The following MYO18A variants were observed in gnomAD, a reference collection of about 807,000 sequenced individuals.
MYO18A encodes the protein myosin XVIIIA, also known as unconventional myosin-XVIIIa.
In MYO18A, 78 loss-of-function variants were observed where a neutral mutation model predicts 235.8. That is an observed-to-expected ratio of 0.33 (90% CI 0.28 to 0.40). The LOEUF is 0.40. Among genes scored for constraint, MYO18A ranks in the 10% least tolerant of loss-of-function variants. The pLI, the probability that MYO18A is intolerant of heterozygous loss-of-function variation, is 1.00. For synonymous variants in MYO18A, 977 were observed against 1,077.8 expected (o/e 0.91, Z 1.83); for missense variants, 2,215 against 2,699.3 (o/e 0.82, Z 3.98).
intron 2 of MYO18A, among the ~76,000 whole-genome samples, chr17:29,156,248 A>G (rs189166483): frequency 3.4e-4 from 52 of 152,382 alleles, no homozygotes; most frequent in African/African-American, 1.2e-3. Context: ...TCAGAGACCT[A>G]CAGCCAGTGA....
rs1366008492 is a variant in MYO18A at position 29,136,244 on chromosome 17, AAAAAAAATAT to A, written c.1000-14001_1000-13992del. 9.2e-4 allele frequency among the ~76,000 whole-genome samples: 68 copies of A among 73,588 alleles called. 1 individual carries two copies. The highest frequency in any genetic ancestry group is 5.6e-3 in the Admixed American group (40 of 7,116). 48.3% of individuals were successfully genotyped at this position (73,588 alleles called of 152,430 possible). A position where few individuals can be genotyped will look rare whatever the true frequency, so the allele number is the denominator to read the frequency against. ...AGACCCCATCTCAAAAGAAAAAAAA[AAAAAAAATAT>A]ATATATATATATATATATATGTAAT... On this transcript the variant is annotated intron_variant, in intron 2 of 41. Coordinates refer to ENST00000527372, the MANE Select transcript of MYO18A (RefSeq NM_078471.4).
rs1456092050 is a variant in MYO18A at position 29,096,818 on chromosome 17, T to C, written c.4328A>G (p.Lys1443Arg). The change falls in exon 28 of 42, where the codon AAG becomes AGG. Residue 1443 changes from lysine (K) to arginine (R), a missense_variant. Coordinates refer to ENST00000527372, the MANE Select transcript of MYO18A (RefSeq NM_078471.4). ...QRLTAELQDTKLHLEGQQVRN... is the reference protein window; with the variant it reads ...QRLTAELQDTRLHLEGQQVRN... The stretch of plus-strand genomic sequence containing the variant: ...GACCTGCTGGCCCTCCAGGTGCAGC[T>C]TGGTGTCTTGCAGCTCAGCCGTCAG... The C allele has an allele frequency of 6.2e-7, 1 of 1,603,294 alleles. No homozygotes were observed. The highest frequency in any genetic ancestry group is 8.5e-7 in the Non-Finnish European group (1 of 1,175,272).
chr17:29,100,697 C>T (rs1298571369), intron 21 of MYO18A, among the ~76,000 whole-genome samples: 1 of 152,218 alleles, frequency 6.6e-6, no homozygotes, highest in Non-Finnish European at 1.5e-5. Context: ...CCAACTGGCA[C>T]AGAACACAGA....
In MYO18A at chr17:29,166,902, G is replaced by A. The variant is rs778863807; in HGVS notation, c.39C>T (p.Gly13=). Residue 13 remains glycine (G), a synonymous_variant, in exon 2 of 42, where the codon GGC becomes GGT. Coordinates refer to ENST00000527372, the MANE Select transcript of MYO18A (RefSeq NM_078471.4). ...TTTTCTCCTTCTTCTCCTTCCGCCC[G>A]CCATCTTTGTCCTTGTCTTTCTTCA... ...NLMKKDKDKD[G]GRKEKKEKKE... The A allele has an allele frequency of 5.4e-5, 83 of 1,549,450 alleles. No homozygotes were observed. The Admixed American group carries it at 1.4e-3, about 26-fold the overall frequency.
intron 2 of MYO18A, among the ~76,000 whole-genome samples, chr17:29,143,478 G>A (rs1473409217): frequency 7.1e-6 from 1 of 140,904 alleles, no homozygotes; most frequent in Non-Finnish European, 1.5e-5. Context: ...CTGCACTCAA[G>A]CAATCCACCT....
intron 19 of MYO18A, among the ~76,000 whole-genome samples, chr17:29,107,819 G>C (rs1052827254): frequency 1.3e-5 from 2 of 151,586 alleles, no homozygotes; most frequent in South Asian, 4.2e-4. Flanking sequence ...AGGAGGCCGA[G>C]GCAGAAGAAT....
chr17:29,172,723 AAAAT>A (rs1432016655), intron 1 of MYO18A, among the ~76,000 whole-genome samples: 1 of 152,226 alleles, frequency 6.6e-6, no homozygotes, highest in Non-Finnish European at 1.5e-5. Context: ...AAGTATGACT[AAAAT>A]AAGTCAAAAC....
chr17:29,074,069 AC>A lies in MYO18A; in HGVS notation c.*700del. On this transcript the variant is annotated 3_prime_UTR_variant, in exon 42 of 42. Transcript: ENST00000527372. This position sits in a 1 kb window ranked among gnomAD's most constrained non-coding sequence, Gnocchi z 4.4. ...ACACTTGTCTGCGTAGGCTTGCTCA[AC>A]CCAGCCCAGCAGCACCGGAGAGCCC... 6.2e-7 allele frequency: 1 copy of A among 1,613,892 alleles called. No individual in the cohort carries two copies. The highest frequency in any genetic ancestry group is 8.5e-7 in the Non-Finnish European group (1 of 1,180,014).
intron 2 of MYO18A, chr17:29,127,709 C>T (rs2067356624): frequency 2.4e-5 from 7 of 296,488 alleles, no homozygotes; most frequent in Non-Finnish European, 2.5e-5. Flanking sequence ...CAGCCCCTGC[C>T]GGCCATCAGC....
In MYO18A at chr17:29,140,820, A is replaced by C. The variant is rs1017981608; in HGVS notation, c.1000-18567T>G. Reference sequence around the variant, plus strand: ...CACGTATACACACACACACACACACACCAGCATGCACGAACATTCAATCAA... The same window carrying C: ...CACGTATACACACACACACACACACCCCAGCATGCACGAACATTCAATCAA... On this transcript the variant is annotated intron_variant, in intron 2 of 41. Coordinates refer to ENST00000527372, the MANE Select transcript of MYO18A (RefSeq NM_078471.4). This position sits in a 1 kb window ranked among gnomAD's most constrained non-coding sequence, Gnocchi z 4.2. 6.6e-6 allele frequency among the ~76,000 whole-genome samples: 1 copy of C among 152,106 alleles called. No individual in the cohort carries two copies. Among genetic ancestry groups the C allele is most frequent in the East Asian group, 1.9e-4 (1 of 5,192 alleles).
chr17:29,112,774 C>T (rs1226405653), intron 15 of MYO18A, among the ~76,000 whole-genome samples: 1 of 152,194 alleles, frequency 6.6e-6, no homozygotes, highest in Non-Finnish European at 1.5e-5. Flanking sequence ...GCCATTTTTC[C>T]TCTCTTTGAC....
chr17:29,074,981 G>A lies in MYO18A; in HGVS notation c.6021-67C>T. ...CTACCATTAAGCACGCACGCCTTTG[G>A]TTCTGGAGGCCCACAAAGCTGCGTC... On this transcript the variant is annotated intron_variant, in intron 41 of 41. Coordinates refer to ENST00000527372, the MANE Select transcript of MYO18A (RefSeq NM_078471.4). This position sits in a 1 kb window ranked among gnomAD's most constrained non-coding sequence, Gnocchi z 4.4. The A allele has an allele frequency of 6.3e-7, 1 of 1,583,756 alleles. No homozygotes were observed.
At chr17:29,172,807 C>T (rs965724669) in intron 1 of MYO18A, among the ~76,000 whole-genome samples, 1 of 152,182 alleles carries the variant, frequency 6.6e-6, no homozygotes, top group African/African-American at 2.4e-5. Context: ...AGCTGGATCA[C>T]ACTGGCTTGA....
At chr17:29,169,295 C>T (rs759388301) in intron 1 of MYO18A, among the ~76,000 whole-genome samples, 5 of 152,118 alleles carry the variant, frequency 3.3e-5, no homozygotes, top group Non-Finnish European at 7.3e-5. Flanking sequence ...CATGATCCAC[C>T]TGTCTCGGCC....
intron 2 of MYO18A, chr17:29,155,608 G>A (rs1197981320): frequency 6.6e-6 from 1 of 152,346 alleles, no homozygotes; most frequent in Admixed American, 6.5e-5. Flanking sequence ...CCCCGAAGGT[G>A]TTGCGGGACC....
intron 2 of MYO18A, among the ~76,000 whole-genome samples, chr17:29,132,054 C>G (rs2067486362): frequency 6.6e-6 from 1 of 152,200 alleles, no homozygotes. Context: ...TTTTCTCAAC[C>G]TCAGACCCAC....
chr17:29,168,173 G>T (rs1448671837), intron 1 of MYO18A, among the ~76,000 whole-genome samples: 3 of 151,886 alleles, frequency 2.0e-5, no homozygotes, highest in Admixed American at 2.0e-4. Flanking sequence ...ACAGCTGCGA[G>T]GTGGGGGTGG....
At chr17:29,075,107 T>C (rs1248397629) in intron 41 of MYO18A, 193 bp from the exon 42 acceptor site, 1 of 609,080 alleles carries the variant, frequency 1.6e-6, no homozygotes, top group Non-Finnish European at 2.9e-6. Context: ...TGGAAGCTTT[T>C]AAAGCTCCGA....
chr17:29,154,602 ATCTT>A, intron 2 of MYO18A, among the ~76,000 whole-genome samples: 1 of 152,130 alleles, frequency 6.6e-6, no homozygotes, highest in Admixed American at 6.5e-5. Flanking sequence ...GCCTCTGTTG[ATCTT>A]GAGGCATGGC....
Sources: gnomAD v4.1 joint callset for allele counts (sites outside exome capture counted in the v4.1 genomes callset) on GRCh38, gnomAD v4.1.1 for gene constraint, Gnocchi (gnomAD v3.1) non-coding constraint, MANE v1.5 for transcripts, NCBI Gene and HGNC (gene_info 2026-07-23, HGNC 2026-07-21) for gene names.